POC1B: variants seen among roughly 807,000 people sequenced by gnomAD.
The protein encoded by POC1B is POC1 centriolar protein homolog B.
A neutral mutation model predicts 60.6 loss-of-function variants in POC1B; 44 were observed. The ratio of observed to expected loss-of-function variants is 0.73; its 90% CI spans 0.57 to 0.93. The LOEUF (loss-of-function observed/expected upper bound fraction) is 0.93. POC1B is among the 40% of genes least tolerant of loss of function. The pLI, the probability that POC1B is intolerant of heterozygous loss-of-function variation, is 0.00. For synonymous variants in POC1B, 180 were observed against 198.9 expected (o/e 0.90, Z 0.80); for missense variants, 555 against 572.3 (o/e 0.97, Z 0.31).
chr12:89,446,923 C>T (rs995113228), intron 10 of POC1B, among the ~76,000 whole-genome samples: 1 of 151,976 alleles, frequency 6.6e-6, no homozygotes, highest in Non-Finnish European at 1.5e-5. Context: ...GGTACCAAGG[C>T]AAAAAGTAAA....
chr12:89,410,799 C>G, the POC1B span, among the ~76,000 whole-genome samples: 1 of 152,106 alleles, frequency 6.6e-6, no homozygotes, highest in East Asian at 1.9e-4. Context: ...GGAAATAAAG[C>G]TATTCAAATA....
In POC1B at chr12:89,525,171, G is replaced by A. The variant is rs1871338357; in HGVS notation, c.49C>T (p.His17Tyr). The stretch of plus-strand genomic sequence containing the variant: ...TCCAAGGAGGTGATCGCAGCTTTGT[G>A]GCCTTTGAAATAACGCTCCAGAACG... Reference protein sequence around the residue: ...DPVLERYFKGHKAAITSLDLS... With the variant: ...DPVLERYFKGYKAAITSLDLS... The change falls in exon 2 of 12, where the codon CAC becomes TAC. Residue 17 changes from histidine to tyrosine, a missense_variant. His to Tyr is a moderately conservative substitution (Grantham distance 83, BLOSUM62 2). Coordinates refer to ENST00000313546, the MANE Select transcript of POC1B (RefSeq NM_172240.3). 3 of 1,613,776 alleles carry A rather than the reference G, an allele frequency of 1.9e-6. No individual in the cohort carries two copies. The highest frequency in any genetic ancestry group is 2.5e-6 in the Non-Finnish European group (3 of 1,179,792).
chr12:89,488,571 T>TC (rs1868771631), intron 4 of POC1B, among the ~76,000 whole-genome samples: 1 of 152,088 alleles, frequency 6.6e-6, no homozygotes, highest in Non-Finnish European at 1.5e-5. Flanking sequence ...CACTGCAATC[T>TC]CTGCTCCCAA....
intron 4 of POC1B, among the ~76,000 whole-genome samples, chr12:89,474,506 G>T (rs148366033): frequency 2.6e-5 from 4 of 152,220 alleles, no homozygotes; most frequent in African/African-American, 7.2e-5. Context: ...GTCCTAGAAC[G>T]GTTATTAACA....
chr12:89,500,104 G>A (rs578169564), intron 2 of POC1B: 7 of 1,445,014 alleles, frequency 4.8e-6, no homozygotes, highest in Non-Finnish European at 6.7e-6. Flanking sequence ...TGGCTGTGTC[G>A]GGTCTGGATC....
chr12:89,500,709 G>C (rs1869514682), intron 2 of POC1B: 1 of 1,359,616 alleles, frequency 7.4e-7, no homozygotes, highest in Non-Finnish European at 1.0e-6. Context: ...ACCAAAAAAA[G>C]ATTAAACTTT....
At position 89,444,647 on chromosome 12, in the gene POC1B, T is replaced by C. The variant is rs185487383; in HGVS notation, c.1113+14991A>G. On this transcript the variant is annotated intron_variant, in intron 10 of 11. Coordinates refer to ENST00000313546, the MANE Select transcript of POC1B (RefSeq NM_172240.3). ...ATTTATGACAAACCCACAGCCAATATCATACTGAATGGGCAAAAACTGGAA... is the reference window on the plus strand; with the variant it reads ...ATTTATGACAAACCCACAGCCAATACCATACTGAATGGGCAAAAACTGGAA... 1.1e-3 allele frequency among the ~76,000 whole-genome samples: 172 copies of C among 152,274 alleles called. 2 individuals are homozygous for C. The East Asian group carries it at 0.032, about 28-fold the overall frequency.
chr12:89,406,311 G>A, the POC1B span, among the ~76,000 whole-genome samples: 1 of 152,294 alleles, frequency 6.6e-6, no homozygotes, highest in African/African-American at 2.4e-5. Flanking sequence ...TTGGAAAATA[G>A]AAGGAAAACA....
chr12:89,435,180 T>C (rs1024830614), intron 10 of POC1B, among the ~76,000 whole-genome samples: 1 of 10,622 alleles, frequency 9.4e-5, no homozygotes, highest in Non-Finnish European at 2.4e-4. Flanking sequence ...AATGACATTC[T>C]TTTTTTTTTT....
chr12:89,450,596 C>T (rs1472113546), intron 10 of POC1B, among the ~76,000 whole-genome samples: 1 of 152,094 alleles, frequency 6.6e-6, no homozygotes, highest in African/African-American at 2.4e-5. Context: ...ACACAATCTT[C>T]AGAAATACAA....
At chr12:89,516,060 T>C (rs1369039718) in intron 2 of POC1B, among the ~76,000 whole-genome samples, 5 of 152,144 alleles carry the variant, frequency 3.3e-5, no homozygotes, top group Admixed American at 1.3e-4. Flanking sequence ...GATAACTAAG[T>C]TCACATGGGT....
In POC1B at chr12:89,525,853, ACC is replaced by A. The variant is rs67346689; in HGVS notation, c.15+26_15+27del. The A allele has an allele frequency of 0.23, 325,141 of 1,407,084 alleles. 38,926 individuals carry two copies. The highest frequency in any genetic ancestry group is 0.36 in the South Asian group (22,633 of 62,714). The allele number at this position is 1,407,084 out of a possible 1,614,324, so 87.2% of individuals were successfully genotyped here. On this transcript the variant is annotated intron_variant, in intron 1 of 11. Coordinates refer to ENST00000313546, the MANE Select transcript of POC1B (RefSeq NM_172240.3). ...CCCGCGGGACAGGCTCCAGGGAGGG[ACC>A]CCCCCCACCTCCAACCCGTCCTTAC...
chr12:89,403,506 CA>C, the POC1B span, among the ~76,000 whole-genome samples: 1 of 152,106 alleles, frequency 6.6e-6, no homozygotes, highest in African/African-American at 2.4e-5. Context: ...ATATCTGCCT[CA>C]GAGAAGAGTC....
intron 4 of POC1B, among the ~76,000 whole-genome samples, chr12:89,485,583 C>T (rs1340792878): frequency 3.9e-5 from 6 of 152,112 alleles, no homozygotes; most frequent in East Asian, 1.9e-4. Context: ...CTTAAGGTAC[C>T]GGTAAGATAA....
rs1382321569 is a variant in POC1B, at chr12:89,525,164, G to C, written c.56C>G (p.Ala19Gly). The C allele has an allele frequency of 5.0e-6, 8 of 1,613,942 alleles. No homozygotes were observed. Among genetic ancestry groups the C allele is most frequent in the Non-Finnish European group, 6.8e-6 (8 of 1,179,860 alleles). ...GCTGAGGTCCAAGGAGGTGATCGCA[G>C]CTTTGTGGCCTTTGAAATAACGCTC... ...VLERYFKGHKAAITSLDLSPN... is the reference protein window; with the variant it reads ...VLERYFKGHKGAITSLDLSPN... Residue 19 changes from alanine to glycine, a missense_variant, in exon 2 of 12, where the codon GCT (alanine) becomes GGT (glycine). Coordinates refer to ENST00000313546, the MANE Select transcript of POC1B (RefSeq NM_172240.3).
chr12:89,467,779 T>C, intron 7 of POC1B, 94 bp from the exon 8 acceptor site: 1 of 892,348 alleles, frequency 1.1e-6, no homozygotes. Context: ...TCCTAATTTA[T>C]GCATACTACT....
At chr12:89,524,125 G>A in intron 2 of POC1B, 1 of 1,614,010 alleles carries the variant, frequency 6.2e-7, no homozygotes, top group Non-Finnish European at 8.5e-7. Flanking sequence ...GTTATAGAAA[G>A]CAATGATAAC....
At chr12:89,493,446 A>T (rs1869085847) in intron 3 of POC1B, among the ~76,000 whole-genome samples, 1 of 152,222 alleles carries the variant, frequency 6.6e-6, no homozygotes, top group Non-Finnish European at 1.5e-5. Flanking sequence ...TTACCCTTCC[A>T]GTGGTCTGTA....
chr12:89,402,570 TG>T, the POC1B span, among the ~76,000 whole-genome samples: 10 of 152,268 alleles, frequency 6.6e-5, no homozygotes, highest in African/African-American at 2.4e-4. Flanking sequence ...TCCTTCTTTG[TG>T]TTCATAAGTT....
Sources: allele counts gnomAD v4.1 joint callset (sites outside exome capture counted in the v4.1 genomes callset), GRCh38; gene constraint gnomAD v4.1.1; transcripts MANE v1.5; gene names NCBI Gene and HGNC (gene_info 2026-07-23, HGNC 2026-07-21).